The following PHTF2 variants were observed in gnomAD, a reference collection of about 807,000 sequenced individuals.
PHTF2 encodes putative homeodomain transcription factor 2.
A neutral mutation model predicts 101.2 loss-of-function variants in PHTF2; 60 were observed. That is an observed-to-expected ratio of 0.59 (90% CI 0.48 to 0.73). The LOEUF (loss-of-function observed/expected upper bound fraction) is 0.73, where lower values mean the gene tolerates loss of function less well. Ranked by LOEUF, PHTF2 falls within the 30% of genes least tolerant of loss-of-function variation. The pLI is 0.00. For missense variants in PHTF2, 747 were observed against 908.7 expected, an observed-to-expected ratio of 0.82 and a Z score of 2.29; for synonymous variants, 311 against 307.3, an observed-to-expected ratio of 1.01 and a Z score of -0.13.
chr7:77,946,668 CACAT>C (rs1806074924), intron 16 of PHTF2, among the ~76,000 whole-genome samples: 1 of 152,170 alleles, frequency 6.6e-6, no homozygotes, highest in Non-Finnish European at 1.5e-5. Flanking sequence ...TTTTGCCTGA[CACAT>C]ACAATCTCTG....
At chr7:77,895,203 TTGTA>T (rs573000221) in intron 5 of PHTF2, 55 of 455,738 alleles carry the variant, frequency 1.2e-4, no homozygotes, top group South Asian at 7.8e-4. Flanking sequence ...AGGTATGTGT[TTGTA>T]TGTGATACAT....
At chr7:77,841,958 A>AT (rs1795921057) in intron 2 of PHTF2, among the ~76,000 whole-genome samples, 1 of 152,168 alleles carries the variant, frequency 6.6e-6, no homozygotes, top group Non-Finnish European at 1.5e-5. Context: ...AACACTTTAG[A>AT]CTTTACTGAA....
chr7:77,811,002 C>T (rs1439483924), intron 1 of PHTF2, among the ~76,000 whole-genome samples: 1 of 152,166 alleles, frequency 6.6e-6, no homozygotes, highest in African/African-American at 2.4e-5. Context: ...CTCCTAGGTT[C>T]AGGCGATTCT....
At chr7:77,874,548 A>G (rs1798778197) in intron 3 of PHTF2, among the ~76,000 whole-genome samples, 1 of 152,230 alleles carries the variant, frequency 6.6e-6, no homozygotes, top group South Asian at 2.1e-4. Flanking sequence ...GGAAGCATTC[A>G]GCACATGAAA....
intron 3 of PHTF2, among the ~76,000 whole-genome samples, chr7:77,871,420 C>T (rs1363780487): frequency 6.6e-6 from 1 of 152,176 alleles, no homozygotes; most frequent in East Asian, 1.9e-4. Flanking sequence ...GCAATCTTAA[C>T]TTCCAGTTTA....
chr7:77,922,369 A>G (rs1803559514), intron 10 of PHTF2, among the ~76,000 whole-genome samples: 2 of 152,160 alleles, frequency 1.3e-5, no homozygotes, highest in African/African-American at 4.8e-5. Flanking sequence ...TTTTCTGAAC[A>G]GAAATATTAC....
Position 77,912,793 on chromosome 7 carries a change from C to T in PHTF2, c.776+2384C>T, listed in dbSNP as rs1296888851. Among the ~76,000 whole-genome samples, 5 of 118,526 alleles carry T rather than the reference C, an allele frequency of 4.2e-5. 1 individual carries two copies. The highest frequency in any genetic ancestry group is 5.8e-4 in the South Asian group (2 of 3,430). The allele number at this position is 118,526 out of a possible 152,430, so 77.8% of individuals were successfully genotyped here. ...TGTAGTCCTTGGTGGAGCGCAGTGG[C>T]GTGATCATGGCTCCCTGAAGCCTCA... On this transcript the variant is annotated intron_variant, in intron 9 of 19. Transcript: ENST00000416283.
At chr7:77,923,535 ACT>A (rs1803678313) in intron 11 of PHTF2, 1 of 984,192 alleles carries the variant, frequency 1.0e-6, no homozygotes, top group Non-Finnish European at 1.2e-6. Context: ...TTCTTTGCAC[ACT>A]CTTCTTTGTG....
At chr7:77,916,697 A>G (rs1802959460) in intron 9 of PHTF2, among the ~76,000 whole-genome samples, 1 of 152,104 alleles carries the variant, frequency 6.6e-6, no homozygotes, top group Admixed American at 6.5e-5. Context: ...TCTCGTGTAT[A>G]AATGGTATAA....
At chr7:77,832,361 A>G (rs983947335) in intron 1 of PHTF2, among the ~76,000 whole-genome samples, 1 of 152,186 alleles carries the variant, frequency 6.6e-6, no homozygotes, top group African/African-American at 2.4e-5. Flanking sequence ...TTTGAGCATT[A>G]CTTCCCAACC....
At chr7:77,942,646 T>C (rs1308165142) in intron 15 of PHTF2, 54 bp from the exon 15 acceptor site, 7 of 949,654 alleles carry the variant, frequency 7.4e-6, no homozygotes, top group Non-Finnish European at 1.1e-5. Context: ...ATCTGCTGAT[T>C]AGTAAATATA....
At chr7:77,940,568 C>T in exon 15 of PHTF2, 1 of 1,608,676 alleles carries the variant, frequency 6.2e-7, no homozygotes, top group Non-Finnish European at 8.5e-7. Flanking sequence ...TTAACATCTG[C>T]AAGGAGGGCT....
chr7:77,938,792 A>G (rs921716445), intron 13 of PHTF2, among the ~76,000 whole-genome samples: 1 of 152,190 alleles, frequency 6.6e-6, no homozygotes, highest in African/African-American at 2.4e-5. Context: ...ATAAATAAAT[A>G]AAAATAAAAT....
chr7:77,799,983 T>C (rs1217910648), intron 1 of PHTF2, among the ~76,000 whole-genome samples: 1 of 152,252 alleles, frequency 6.6e-6, no homozygotes, highest in African/African-American at 2.4e-5. Flanking sequence ...GCTTTTGCCA[T>C]TTTTAAACGT....
intron 1 of PHTF2, among the ~76,000 whole-genome samples, chr7:77,831,527 C>T (rs1795076031): frequency 6.6e-6 from 1 of 152,118 alleles, no homozygotes; most frequent in Non-Finnish European, 1.5e-5. Flanking sequence ...AATGAGTCAC[C>T]ATGGTGTGTA....
At chr7:77,929,317 C>T in exon 12 of PHTF2, 2 of 1,583,988 alleles carry the variant, frequency 1.3e-6, no homozygotes, top group Admixed American at 1.7e-5. Context: ...AGAGATGACC[C>T]TTTTCATCAG....
intron 16 of PHTF2, among the ~76,000 whole-genome samples, chr7:77,943,144 T>C (rs848445): frequency 0.78 from 119,236 of 152,068 alleles, 47,209 homozygotes; most frequent in African/African-American, 0.88. Flanking sequence ...TTTTTTGAGA[T>C]GGAGTCTCGC....
intron 7 of PHTF2, among the ~76,000 whole-genome samples, chr7:77,906,661 G>C (rs1243592763): frequency 2.6e-5 from 4 of 152,178 alleles, no homozygotes; most frequent in African/African-American, 9.7e-5. Flanking sequence ...CTTTGTGTCT[G>C]AAACTCTGAA....
At chr7:77,869,585 A>G (rs1798354997) in intron 3 of PHTF2, among the ~76,000 whole-genome samples, 1 of 152,068 alleles carries the variant, frequency 6.6e-6, no homozygotes, top group Non-Finnish European at 1.5e-5. Context: ...TCCTTCTTTT[A>G]TATTGCTAGA....
Sources: gnomAD v4.1 joint callset for allele counts (sites outside exome capture counted in the v4.1 genomes callset) on GRCh38, gnomAD v4.1.1 for gene constraint, MANE v1.5 for transcripts, NCBI Gene and HGNC (gene_info 2026-07-23, HGNC 2026-07-21) for gene names.